Variants in LRP1B observed in about 807,000 individuals in gnomAD.
LRP1B encodes the protein low-density lipoprotein receptor-related protein 1B.
A neutral mutation model predicts 556.6 loss-of-function variants in LRP1B; 217 were observed. The observed-to-expected ratio is 0.39, with a 90% CI of 0.35 to 0.44. The LOEUF (loss-of-function observed/expected upper bound fraction) is 0.44. Ranked by LOEUF, LRP1B falls within the 20% of genes least tolerant of loss-of-function variation. The pLI, the probability that LRP1B is intolerant of heterozygous loss-of-function variation, is 1.00. For missense variants in LRP1B, 5,053 were observed against 5,620.8 expected, an observed-to-expected ratio of 0.90 and a Z score of 3.23; for synonymous variants, 2,047 against 1,865.8, an observed-to-expected ratio of 1.10 and a Z score of -2.50.
intron 1 of LRP1B, among the ~76,000 whole-genome samples, chr2:141,915,675 A>G (rs974847309): frequency 6.6e-6 from 1 of 152,252 alleles, no homozygotes; most frequent in Non-Finnish European, 1.5e-5. Flanking sequence ...AGACATTCAC[A>G]AAGAATGCAT....
chr2:140,351,289 C>T (rs1193122034), intron 76 of LRP1B, among the ~76,000 whole-genome samples: 3 of 151,768 alleles, frequency 2.0e-5, no homozygotes, highest in African/African-American at 7.3e-5. Context: ...AAATTATGTA[C>T]ATATAAATGT....
chr2:141,481,434 A>G (rs1445665307), intron 2 of LRP1B, among the ~76,000 whole-genome samples: 1 of 152,218 alleles, frequency 6.6e-6, no homozygotes, highest in Non-Finnish European at 1.5e-5. Flanking sequence ...ACTATCATGT[A>G]TTAATCTGAC....
intron 3 of LRP1B, among the ~76,000 whole-genome samples, chr2:141,415,663 G>A (rs890574891): frequency 5.9e-5 from 9 of 152,162 alleles, no homozygotes; most frequent in African/African-American, 1.4e-4. Flanking sequence ...TACAAAAAGC[G>A]CCATTTATAA....
chr2:141,113,452 A>G (rs1700804054), intron 7 of LRP1B, among the ~76,000 whole-genome samples: 2 of 152,184 alleles, frequency 1.3e-5, no homozygotes, highest in Non-Finnish European at 2.9e-5. Flanking sequence ...TTAAATAACA[A>G]TTGATTCATT....
intron 1 of LRP1B, among the ~76,000 whole-genome samples, chr2:142,125,626 G>A (rs1434082934): frequency 6.6e-6 from 1 of 151,766 alleles, no homozygotes; most frequent in Non-Finnish European, 1.5e-5. Context: ...TAAAATAACT[G>A]GAGAATGTTC....
At chr2:141,240,155 C>T (rs142697543) in intron 5 of LRP1B, among the ~76,000 whole-genome samples, 4 of 151,988 alleles carry the variant, frequency 2.6e-5, no homozygotes, top group Non-Finnish European at 2.9e-5. Context: ...TTTCTCTTCT[C>T]AAGACTAAAA....
rs145727118 is a variant in LRP1B at position 141,234,624 on chromosome 2, G to A, written c.593-5184C>T. Among the ~76,000 whole-genome samples, 841 of 152,090 alleles carry A rather than the reference G, an allele frequency of 5.5e-3. 10 individuals carry two copies. Among genetic ancestry groups the A allele is most frequent in the African/African-American group, 0.019 (771 of 41,500 alleles). On this transcript the variant is annotated intron_variant, in intron 5 of 90. Transcript: ENST00000389484. ...ACTCCTGACCTCAGGTGATCTGCCC[G>A]CCTCGGCCTCCTCAAGTGCTGGGAT...
At chr2:140,628,786 G>A (rs188251911) in intron 41 of LRP1B, among the ~76,000 whole-genome samples, 33 of 152,194 alleles carry the variant, frequency 2.2e-4, no homozygotes, top group Admixed American at 9.2e-4. Flanking sequence ...CTGGTGGGAG[G>A]TGATTGGATC....
At chr2:141,263,452 C>A (rs1022436993) in intron 3 of LRP1B, among the ~76,000 whole-genome samples, 4 of 152,018 alleles carry the variant, frequency 2.6e-5, no homozygotes, top group Non-Finnish European at 5.9e-5. Context: ...TGCCAAAGCT[C>A]ATTCAAGAAG....
At chr2:140,422,017 C>G (rs1685467153) in intron 66 of LRP1B, among the ~76,000 whole-genome samples, 1 of 152,134 alleles carries the variant, frequency 6.6e-6, no homozygotes, top group Non-Finnish European at 1.5e-5. Context: ...ATTTTGTACA[C>G]TAATCAAGCA....
At chr2:141,943,042 A>C (rs886809119) in intron 1 of LRP1B, among the ~76,000 whole-genome samples, 3 of 152,242 alleles carry the variant, frequency 2.0e-5, no homozygotes, top group African/African-American at 7.2e-5. Context: ...TGATATAATA[A>C]GAAAATATTG....
At chr2:141,451,345 G>A (rs1459527649) in intron 3 of LRP1B, among the ~76,000 whole-genome samples, 1 of 152,118 alleles carries the variant, frequency 6.6e-6, no homozygotes, top group African/African-American at 2.4e-5. Flanking sequence ...TAAAAGCTCA[G>A]TATTGAAAAA....
chr2:141,873,505 T>C (rs1468019180), intron 1 of LRP1B, among the ~76,000 whole-genome samples: 1 of 151,966 alleles, frequency 6.6e-6, no homozygotes, highest in Non-Finnish European at 1.5e-5. Flanking sequence ...TAACGAAAAC[T>C]GCAATGTTTA....
intron 41 of LRP1B, among the ~76,000 whole-genome samples, chr2:140,662,421 T>C (rs550867): frequency 0.075 from 11,373 of 152,002 alleles, 664 homozygotes; most frequent in East Asian, 0.24. Flanking sequence ...AAGAGGGTAA[T>C]AATACAAGGG....
chr2:140,778,502 A>G (rs1307750584), intron 32 of LRP1B, among the ~76,000 whole-genome samples: 1 of 152,090 alleles, frequency 6.6e-6, no homozygotes, highest in Non-Finnish European at 1.5e-5. Context: ...TTTTTTTTAT[A>G]TGGTATAATG....
chr2:141,230,088 A>G (rs1683402903), intron 5 of LRP1B, among the ~76,000 whole-genome samples: 1 of 152,222 alleles, frequency 6.6e-6, no homozygotes, highest in Admixed American at 6.5e-5. Context: ...CTTTGCTGGT[A>G]TTAGGACTGA....
At chr2:141,648,725 G>A (rs760300924) in intron 2 of LRP1B, among the ~76,000 whole-genome samples, 25 of 152,160 alleles carry the variant, frequency 1.6e-4, no homozygotes, top group Non-Finnish European at 3.5e-4. Context: ...GAGTGAACAG[G>A]TAGGTGTGAA....
chr2:140,851,979 ATAAC>A (rs529629730), intron 27 of LRP1B, among the ~76,000 whole-genome samples, 196 bp from the exon 28 acceptor site: 29 of 152,338 alleles, frequency 1.9e-4, no homozygotes, highest in Non-Finnish European at 1.6e-4. Context: ...TATTTCAAAG[ATAAC>A]TAAGAAAACT....
At chr2:141,407,264 G>A (rs141055951) in intron 3 of LRP1B, among the ~76,000 whole-genome samples, 1 of 152,028 alleles carries the variant, frequency 6.6e-6, no homozygotes, top group Non-Finnish European at 1.5e-5. Context: ...TAAAATAATA[G>A]AAATGTTAAG....
Sources: gnomAD v4.1 joint callset for allele counts (sites outside exome capture counted in the v4.1 genomes callset) on GRCh38, gnomAD v4.1.1 for gene constraint, MANE v1.5 for transcripts, NCBI Gene and HGNC (gene_info 2026-07-23, HGNC 2026-07-21) for gene names.